TEX29: variants seen among roughly 807,000 people sequenced by gnomAD.
TEX29 encodes testis expressed 29.
In TEX29, 26 loss-of-function variants were observed where a neutral mutation model predicts 18.2. That is an observed-to-expected ratio of 1.43 (90% confidence interval 1.04 to 1.98). TEX29 has a LOEUF of 1.98. TEX29 is among the 30% of genes most tolerant of loss of function. TEX29 has a pLI of 0.00. For synonymous variants in TEX29, 83 were observed against 78.5 expected (o/e 1.06, Z -0.31); for missense variants, 177 against 194.2 (o/e 0.91, Z 0.53).
intron 2 of TEX29, among the ~76,000 whole-genome samples, chr13:111,322,449 G>A (rs1242774769): frequency 6.6e-6 from 1 of 152,244 alleles, no homozygotes; most frequent in South Asian, 2.1e-4. Context: ...GCTGTAAGCA[G>A]TGCAGCTGTT....
chr13:111,321,051 G>C, intron 2 of TEX29, 103 bp downstream of exon 2: 1 of 1,334,842 alleles, frequency 7.5e-7, no homozygotes, highest in Non-Finnish European at 1.0e-6. Context: ...GGGGGTCCTG[G>C]TCCCAGACCT....
At chr13:111,321,925 AAAAC>A (rs1221341594) in intron 2 of TEX29, among the ~76,000 whole-genome samples, 26 of 152,360 alleles carry the variant, frequency 1.7e-4, no homozygotes, top group South Asian at 4.1e-4. Context: ...CTCCGCCTCA[AAAAC>A]AAACAAACCA....
intron 3 of TEX29, chr13:111,339,561 C>A (rs1438075814): frequency 9.9e-6 from 5 of 506,960 alleles, no homozygotes; most frequent in Non-Finnish European, 1.8e-5. Context: ...GGGTCAGGAC[C>A]CAGTGCCGTC....
At position 111,328,233 on chromosome 13, in the gene TEX29, C is replaced by T. The variant is rs2093677263; in HGVS notation, c.109C>T (p.Arg37Ter). Reference protein sequence around the residue: ...DICDYNVSRDRCQELGCCFYE... With the variant: ...DICDYNVSRD ...TTGTGACTACAACGTCTCCAGGGAC[C>T]GATGCCAGGAGCTCGGGTGCTGCTT... is the stretch of plus-strand genomic sequence containing the variant. The change falls in exon 3 of 6, where the codon CGA (arginine) becomes TGA (stop). Residue 37 changes from arginine to a stop codon, truncating the protein, a stop_gained. Coordinates refer to ENST00000283547, the MANE Select transcript of TEX29 (RefSeq NM_152324.3). LOFTEE classifies it high-confidence loss of function. The T allele has an allele frequency of 6.2e-6, 10 of 1,613,870 alleles. No individual in the cohort carries two copies. The highest frequency in any genetic ancestry group is 2.2e-5 in the South Asian group (2 of 91,082).
chr13:111,320,537 C>A, upstream of TEX29: 1 of 359,454 alleles, frequency 2.8e-6, no homozygotes, highest in Non-Finnish European at 5.2e-6. Context: ...TCAAGGTGGA[C>A]ACGCACACGG....
chr13:111,316,586 C>T (rs915059919), upstream of TEX29, among the ~76,000 whole-genome samples: 4 of 152,324 alleles, frequency 2.6e-5, no homozygotes, highest in East Asian at 3.9e-4. Context: ...ACGCTGGGCC[C>T]GGGTGTCAAA....
Position 111,320,923 on chromosome 13 carries a change from G to C in TEX29, c.33G>C (p.Pro11=). The C allele has an allele frequency of 6.6e-7, 1 of 1,511,096 alleles. No individual in the cohort carries two copies. Among genetic ancestry groups the C allele is most frequent in the Non-Finnish European group, 8.9e-7 (1 of 1,121,100 alleles). 93.6% of individuals were successfully genotyped at this position (1,511,096 alleles called of 1,614,324 possible). Reference sequence around the variant, plus strand: ...ACGTGCTGGAAGTGAAGAACTCTCCGCGGCACCTCCTGAAGCAATTCACAG... The same window carrying C: ...ACGTGCTGGAAGTGAAGAACTCTCCCCGGCACCTCCTGAAGCAATTCACAG... MEYVLEVKNS[P]RHLLKQFTVC... The change falls in exon 2 of 6, where the codon CCG becomes CCC. Residue 11 remains proline, a synonymous_variant. Coordinates refer to ENST00000283547, the MANE Select transcript of TEX29 (RefSeq NM_152324.3).
chr13:111,316,316 G>T (rs1387393308), upstream of TEX29: 2 of 463,136 alleles, frequency 4.3e-6, no homozygotes, highest in Non-Finnish European at 8.7e-6. Flanking sequence ...ACCTGAGGAA[G>T]GTGTGGGGCA....
At chr13:111,337,323 C>G (rs1300645977) in intron 3 of TEX29, among the ~76,000 whole-genome samples, 2 of 152,120 alleles carry the variant, frequency 1.3e-5, no homozygotes, top group African/African-American at 4.8e-5. Context: ...AGGCTGCAGT[C>G]ACCTGAAATC....
At chr13:111,332,565 A>G (rs1187713050) in intron 3 of TEX29, among the ~76,000 whole-genome samples, 1 of 152,120 alleles carries the variant, frequency 6.6e-6, no homozygotes, top group East Asian at 1.9e-4. Context: ...CAGTACAATG[A>G]TGAATAGAAC....
intron 3 of TEX29, among the ~76,000 whole-genome samples, chr13:111,332,050 G>T (rs1365697610): frequency 6.6e-6 from 1 of 152,070 alleles, no homozygotes; most frequent in Non-Finnish European, 1.5e-5. Flanking sequence ...TGCATTTCCA[G>T]ATCAAATTTA....
At chr13:111,332,720 G>A (rs981439387) in intron 3 of TEX29, among the ~76,000 whole-genome samples, 11 of 152,170 alleles carry the variant, frequency 7.2e-5, no homozygotes, top group African/African-American at 2.7e-4. Flanking sequence ...GGAAACACAC[G>A]AGTTGAGAAA....
chr13:111,332,722 G>A (rs908546345), intron 3 of TEX29, among the ~76,000 whole-genome samples: 32 of 152,162 alleles, frequency 2.1e-4, no homozygotes, highest in African/African-American at 6.8e-4. Context: ...AAACACACGA[G>A]TTGAGAAAGC....
At chr13:111,339,217 G>C (rs527345070) in intron 3 of TEX29, 3 of 454,534 alleles carry the variant, frequency 6.6e-6, no homozygotes, top group Non-Finnish European at 1.3e-5. Flanking sequence ...CTTGGGGATT[G>C]CAGGAACCCC....
chr13:111,331,228 T>C (rs2153641675), intron 3 of TEX29, among the ~76,000 whole-genome samples: 1 of 152,304 alleles, frequency 6.6e-6, no homozygotes, highest in South Asian at 2.1e-4. Context: ...TCCTTTTGTT[T>C]ACAGCCATTG....
intron 2 of TEX29, among the ~76,000 whole-genome samples, chr13:111,325,322 G>A (rs185006593): frequency 4.8e-4 from 73 of 152,358 alleles, no homozygotes; most frequent in African/African-American, 1.7e-3. Context: ...TGAGCCCTGC[G>A]CTCCAGCCGT....
upstream of TEX29, chr13:111,320,561 T>G: frequency 2.4e-6 from 1 of 414,648 alleles, no homozygotes; most frequent in East Asian, 5.0e-5. Context: ...CGAAGTCCTG[T>G]GTGACGCCCA....
At chr13:111,336,875 G>A (rs1246812917) in intron 3 of TEX29, among the ~76,000 whole-genome samples, 2 of 152,180 alleles carry the variant, frequency 1.3e-5, no homozygotes, top group African/African-American at 2.4e-5. Flanking sequence ...TGGCATCAAC[G>A]ACAAAGAACG....
chr13:111,324,461 C>T (rs563565769), intron 2 of TEX29, among the ~76,000 whole-genome samples: 5 of 152,322 alleles, frequency 3.3e-5, no homozygotes, highest in South Asian at 2.1e-4. Context: ...AGGAGGCGAC[C>T]ATGGTCTGTC....
Sources: allele counts gnomAD v4.1 joint callset (sites outside exome capture counted in the v4.1 genomes callset), GRCh38; gene constraint gnomAD v4.1.1; transcripts MANE v1.5; gene names NCBI Gene and HGNC (gene_info 2026-07-23, HGNC 2026-07-21).